The following DPP6 variants were observed in gnomAD, a reference collection of about 807,000 sequenced individuals.
DPP6 encodes A-type potassium channel modulatory protein DPP6.
A neutral mutation model predicts 122.6 loss-of-function variants in DPP6; 69 were observed. The ratio of observed to expected loss-of-function variants is 0.56; its 90% CI spans 0.46 to 0.69. The LOEUF (loss-of-function observed/expected upper bound fraction) is 0.69. Ranked by LOEUF, DPP6 falls within the 30% of genes least tolerant of loss-of-function variation. The pLI, the probability that DPP6 is intolerant of heterozygous loss-of-function variation, is 0.00. For missense variants in DPP6, 928 were observed against 1,116.9 expected (o/e 0.83, Z 2.41); for synonymous variants, 418 against 433.1 (o/e 0.97, Z 0.43).
intron 3 of DPP6, among the ~76,000 whole-genome samples, chr7:154,532,156 C>T (rs1195024848): frequency 1.3e-5 from 2 of 151,884 alleles, no homozygotes; most frequent in Non-Finnish European, 2.9e-5. Flanking sequence ...ATTCTTTGAT[C>T]CAGTGGATTT....
chr7:153,855,009 A>G, the DPP6 span, among the ~76,000 whole-genome samples: 11 of 140,350 alleles, frequency 7.8e-5, no homozygotes, highest in Admixed American at 7.2e-5. Flanking sequence ...AACACCGCAT[A>G]TTCTCACTCA....
At chr7:153,976,537 A>G (rs1245684688) in intron 1 of DPP6, among the ~76,000 whole-genome samples, 2 of 152,238 alleles carry the variant, frequency 1.3e-5, no homozygotes, top group African/African-American at 2.4e-5. Flanking sequence ...TGATAATGGA[A>G]AAATGTATTT....
At chr7:154,319,027 G>A (rs1807685622) in intron 1 of DPP6, among the ~76,000 whole-genome samples, 1 of 152,196 alleles carries the variant, frequency 6.6e-6, no homozygotes, top group African/African-American at 2.4e-5. Context: ...TGATCTTTAT[G>A]TGGCCCCCAG....
intron 6 of DPP6, among the ~76,000 whole-genome samples, chr7:154,651,445 G>A (rs370177065): frequency 5.3e-5 from 8 of 152,126 alleles, no homozygotes; most frequent in East Asian, 1.9e-4. Context: ...TCCCCAGTTC[G>A]TCTGCACCCT....
intron 8 of DPP6, among the ~76,000 whole-genome samples, chr7:154,761,162 C>T (rs952195190): frequency 6.6e-6 from 1 of 152,152 alleles, no homozygotes; most frequent in Non-Finnish European, 1.5e-5. Context: ...TAAATTTGAG[C>T]TCAGCGATCT....
intron 1 of DPP6, among the ~76,000 whole-genome samples, chr7:154,361,948 T>C (rs1430664656): frequency 6.6e-6 from 1 of 152,188 alleles, no homozygotes; most frequent in African/African-American, 2.4e-5. Context: ...ATGGCTCACA[T>C]CTGGAGTGTC....
the DPP6 span, among the ~76,000 whole-genome samples, chr7:153,852,694 T>C: frequency 6.6e-6 from 1 of 152,212 alleles, no homozygotes; most frequent in African/African-American, 2.4e-5. Context: ...GGTTTATGTC[T>C]GTGCTTATTT....
intron 8 of DPP6, among the ~76,000 whole-genome samples, chr7:154,748,272 CTCAG>C (rs1441917144): frequency 6.6e-6 from 1 of 152,226 alleles, no homozygotes; most frequent in Non-Finnish European, 1.5e-5. Context: ...TCCCACCTGT[CTCAG>C]TCAGTCTGCA....
intron 1 of DPP6, among the ~76,000 whole-genome samples, chr7:154,155,776 C>G (rs1563256741): frequency 6.6e-6 from 1 of 152,204 alleles, no homozygotes; most frequent in African/African-American, 2.4e-5. Flanking sequence ...GGCCCTTGCC[C>G]CACTGTTGCT....
chr7:153,767,418 A>T, the DPP6 span, among the ~76,000 whole-genome samples: 1 of 152,134 alleles, frequency 6.6e-6, no homozygotes, highest in African/African-American at 2.4e-5. Context: ...CTCAGACTGG[A>T]GTACAGTGGT....
At chr7:153,921,341 A>G (rs1367290279) in intron 1 of DPP6, among the ~76,000 whole-genome samples, 1 of 152,276 alleles carries the variant, frequency 6.6e-6, no homozygotes, top group African/African-American at 2.4e-5. Context: ...GATAACAGAC[A>G]TCTTAAGTAT....
At chr7:154,207,945 A>G (rs1799536225) in intron 1 of DPP6, among the ~76,000 whole-genome samples, 1 of 146,054 alleles carries the variant, frequency 6.8e-6, no homozygotes, top group Non-Finnish European at 1.5e-5. Context: ...ACAGAGTGAG[A>G]CTGCCTCAAA....
intron 1 of DPP6, among the ~76,000 whole-genome samples, chr7:153,959,011 G>A (rs1379548292): frequency 6.6e-6 from 1 of 152,144 alleles, no homozygotes; most frequent in Non-Finnish European, 1.5e-5. Flanking sequence ...CACCTGCTGA[G>A]ATGAGTGCAG....
intron 1 of DPP6, among the ~76,000 whole-genome samples, chr7:154,217,532 C>T (rs1448443232): frequency 6.6e-6 from 1 of 152,088 alleles, no homozygotes; most frequent in African/African-American, 2.4e-5. Context: ...GTAGGGTGGA[C>T]CTCTTCTTAC....
chr7:154,017,391 A>G (rs1798472775), intron 1 of DPP6, among the ~76,000 whole-genome samples: 2 of 152,110 alleles, frequency 1.3e-5, no homozygotes, highest in South Asian at 4.1e-4. Flanking sequence ...ACAATAATTT[A>G]TTGTATATTT....
Position 154,505,237 on chromosome 7 carries a change from A to G in DPP6, c.457+30200A>G, listed in dbSNP as rs567523363. Among the ~76,000 whole-genome samples, 4 of 152,336 alleles carry G rather than the reference A, an allele frequency of 2.6e-5. No homozygotes were observed. The South Asian group carries it at 8.3e-4, about 32-fold the overall frequency. ...ATTTTATTCTGAAAGACTTTTTAAA[A>G]TAAACTTTTTATGTTTTAGAATAGA... On this transcript the variant is annotated intron_variant, in intron 3 of 25. Coordinates refer to ENST00000377770, the MANE Select transcript of DPP6 (RefSeq NM_130797.4).
chr7:154,597,989 A>T (rs11767781), intron 5 of DPP6, among the ~76,000 whole-genome samples: 3 of 151,904 alleles, frequency 2.0e-5, no homozygotes, highest in Non-Finnish European at 4.4e-5. Flanking sequence ...TAACTTGATC[A>T]CCCCTGCAAA....
At chr7:154,127,478 T>G (rs1807970427) in intron 1 of DPP6, among the ~76,000 whole-genome samples, 1 of 152,102 alleles carries the variant, frequency 6.6e-6, no homozygotes, top group African/African-American at 2.4e-5. Context: ...CTGAGCTGCT[T>G]GCTGTACACG....
intron 1 of DPP6, among the ~76,000 whole-genome samples, chr7:154,322,716 G>A (rs10263056): frequency 0.19 from 28,588 of 152,100 alleles, 4,185 homozygotes; most frequent in African/African-American, 0.4. Flanking sequence ...GAAGATAGTA[G>A]CATTTATTGG....
Sources: allele counts gnomAD v4.1 joint callset (sites outside exome capture counted in the v4.1 genomes callset), GRCh38; gene constraint gnomAD v4.1.1; transcripts MANE v1.5; gene names NCBI Gene and HGNC (gene_info 2026-07-23, HGNC 2026-07-21).